Variants in THSD7B observed in about 807,000 individuals in gnomAD.
The protein encoded by THSD7B is thrombospondin type-1 domain-containing protein 7B.
In THSD7B, 138 loss-of-function variants were observed where a neutral mutation model predicts 213.6. The ratio of observed to expected loss-of-function variants is 0.65; its 90% CI spans 0.56 to 0.74. The LOEUF (loss-of-function observed/expected upper bound fraction) is 0.74, where lower values mean the gene tolerates loss of function less well. THSD7B is among the 30% of genes least tolerant of loss of function. The probability of loss-of-function intolerance (pLI) is 0.00; values close to 1 mark genes in which losing one functional copy is unlikely to be tolerated. For synonymous variants in THSD7B, 742 were observed against 687.0 expected, an observed-to-expected ratio of 1.08 and a Z score of -1.25; for missense variants, 1,931 against 1,991.5, an observed-to-expected ratio of 0.97 and a Z score of 0.58.
chr2:137,376,572 T>G (rs1381753524), intron 12 of THSD7B, among the ~76,000 whole-genome samples: 1 of 152,242 alleles, frequency 6.6e-6, no homozygotes, highest in East Asian at 1.9e-4. Flanking sequence ...AAAAGTGGAA[T>G]AAATCATACA....
intron 17 of THSD7B, among the ~76,000 whole-genome samples, chr2:137,584,333 T>C (rs1286183154): frequency 6.6e-6 from 1 of 152,208 alleles, no homozygotes; most frequent in East Asian, 1.9e-4. Flanking sequence ...CAGTTATTTC[T>C]TTCTCCTGCC....
At chr2:137,509,317 C>CTTTTCTCTTTCTTTCTTTCT (rs1315475141) in intron 15 of THSD7B, among the ~76,000 whole-genome samples, 2 of 144,156 alleles carry the variant, frequency 1.4e-5, no homozygotes, top group Non-Finnish European at 3.0e-5. Context: ...CTCTCTCTTT[C>CTTTTCTCTTTCTTTCTTTCT]TTTTCTCTTT....
chr2:137,581,594 G>T (rs1681575821), intron 17 of THSD7B, among the ~76,000 whole-genome samples: 2 of 151,582 alleles, frequency 1.3e-5, no homozygotes, highest in African/African-American at 4.8e-5. Context: ...CTCCAGCCTG[G>T]GCAACACAGA....
intron 7 of THSD7B, among the ~76,000 whole-genome samples, chr2:137,196,739 A>G (rs113859544): frequency 0.016 from 2,476 of 152,240 alleles, 48 homozygotes; most frequent in African/African-American, 0.056. Context: ...AGCTATGTGT[A>G]TCTGGTGTAA....
intron 4 of THSD7B, among the ~76,000 whole-genome samples, chr2:137,100,103 G>A (rs1419356845): frequency 1.1e-4 from 1 of 9,316 alleles, no homozygotes; most frequent in African/African-American, 2.6e-4. Flanking sequence ...AGATTTTCTA[G>A]ACATCCTTTT....
chr2:136,788,964 G>T (rs1020825408), intron 1 of THSD7B, among the ~76,000 whole-genome samples: 10 of 152,048 alleles, frequency 6.6e-5, no homozygotes, highest in Non-Finnish European at 1.5e-4. Flanking sequence ...AGAGATGAGG[G>T]TCTATAATTC....
chr2:137,456,325 G>A (rs1272129580), intron 15 of THSD7B, among the ~76,000 whole-genome samples: 1 of 152,116 alleles, frequency 6.6e-6, no homozygotes, highest in East Asian at 1.9e-4. Flanking sequence ...AATTTATATG[G>A]AGAAGTAGCT....
intron 12 of THSD7B, among the ~76,000 whole-genome samples, chr2:137,362,866 C>G (rs1685300524): frequency 6.6e-6 from 1 of 152,182 alleles, no homozygotes; most frequent in African/African-American, 2.4e-5. Context: ...GACTTGAACT[C>G]AGCTCTGCAC....
intron 2 of THSD7B, among the ~76,000 whole-genome samples, chr2:137,005,375 T>C (rs887098645): frequency 2.0e-5 from 3 of 152,222 alleles, no homozygotes; most frequent in African/African-American, 4.8e-5. Flanking sequence ...TCATCTGCTA[T>C]CTTTTCTCCC....
intron 15 of THSD7B, among the ~76,000 whole-genome samples, chr2:137,502,429 G>C (rs555181594): frequency 6.6e-6 from 1 of 152,090 alleles, no homozygotes; most frequent in African/African-American, 2.4e-5. Flanking sequence ...AAAACAACGA[G>C]AGGGAAAGGT....
intron 12 of THSD7B, among the ~76,000 whole-genome samples, chr2:137,313,819 A>T (rs1199559665): frequency 6.6e-6 from 1 of 152,178 alleles, no homozygotes; most frequent in African/African-American, 2.4e-5. Flanking sequence ...TTCTTTAAGA[A>T]TGTTGAATAT....
chr2:137,540,024 C>A (rs1015367776), intron 15 of THSD7B, among the ~76,000 whole-genome samples: 2 of 151,622 alleles, frequency 1.3e-5, no homozygotes, highest in Admixed American at 6.6e-5. Flanking sequence ...AAACTAAAAT[C>A]TTGATATACA....
intron 10 of THSD7B, among the ~76,000 whole-genome samples, chr2:137,271,638 G>A (rs558254790): frequency 7.9e-5 from 12 of 151,610 alleles, no homozygotes; most frequent in Non-Finnish European, 1.6e-4. Context: ...CTAGCACCGT[G>A]TCACTCTCTG....
chr2:137,239,373 A>T (rs1194439390), intron 9 of THSD7B, among the ~76,000 whole-genome samples: 1 of 152,196 alleles, frequency 6.6e-6, no homozygotes, highest in Admixed American at 6.5e-5. Context: ...CCAATATAAA[A>T]AGGTGAACAG....
At chr2:137,302,207 A>G (rs941426362) in intron 12 of THSD7B, among the ~76,000 whole-genome samples, 1 of 152,118 alleles carries the variant, frequency 6.6e-6, no homozygotes, top group African/African-American at 2.4e-5. Flanking sequence ...ACTGAATGAG[A>G]TCATGGAGGG....
At chr2:136,969,856 A>T (rs1378911688) in intron 2 of THSD7B, among the ~76,000 whole-genome samples, 1 of 152,194 alleles carries the variant, frequency 6.6e-6, no homozygotes, top group South Asian at 2.1e-4. Flanking sequence ...TCAGTGTTCA[A>T]TGTGTAATAT....
chr2:137,501,908 G>T (rs2105137623), intron 15 of THSD7B, among the ~76,000 whole-genome samples: 1 of 152,290 alleles, frequency 6.6e-6, no homozygotes, highest in South Asian at 2.1e-4. Context: ...GAATGCAACT[G>T]GAAGTGCTTT....
At chr2:137,267,029 T>G (rs1319946023) in intron 10 of THSD7B, among the ~76,000 whole-genome samples, 1 of 152,198 alleles carries the variant, frequency 6.6e-6, no homozygotes, top group Non-Finnish European at 1.5e-5. Context: ...TTCTTCTCGC[T>G]TTGCTATCAT....
At chr2:137,499,977 G>A (rs1218057262) in intron 15 of THSD7B, among the ~76,000 whole-genome samples, 1 of 152,166 alleles carries the variant, frequency 6.6e-6, no homozygotes, top group African/African-American at 2.4e-5. Context: ...AAGGAATGCA[G>A]ATTAGAAGAA....
Sources: gnomAD v4.1 joint callset for allele counts (sites outside exome capture counted in the v4.1 genomes callset) on GRCh38, gnomAD v4.1.1 for gene constraint, MANE v1.5 for transcripts, NCBI Gene and HGNC (gene_info 2026-07-23, HGNC 2026-07-21) for gene names.